Variants in TRIM29 observed in about 807,000 individuals in gnomAD.
The protein encoded by TRIM29 is tripartite motif containing 29, also known as tripartite motif-containing protein 29.
Under a neutral mutation model 57.3 loss-of-function variants are expected in TRIM29, and 52 were observed. The observed-to-expected ratio is 0.91, with a 90% CI of 0.73 to 1.14. The LOEUF (loss-of-function observed/expected upper bound fraction) is 1.14, where lower values mean the gene tolerates loss of function less well. Among genes scored for constraint, TRIM29 ranks in the 50% most tolerant of loss-of-function variants. TRIM29 has a pLI of 0.00. For synonymous variants in TRIM29, 319 were observed against 316.9 expected (o/e 1.01, Z -0.07); for missense variants, 753 against 774.6 (o/e 0.97, Z 0.33).
chr11:120,125,961 C>A, intron 3 of TRIM29, 72 bp from the exon 4 acceptor site: 1 of 1,489,692 alleles, frequency 6.7e-7, no homozygotes. Context: ...CTGCCAGGGG[C>A]TCTCACAGTG....
intron 4 of TRIM29, chr11:120,123,686 C>T (rs1024150380): frequency 2.9e-5 from 10 of 348,160 alleles, no homozygotes; most frequent in African/African-American, 1.9e-4. Context: ...GCCACCTCCA[C>T]CCCATTCCTT....
Position 120,137,292 on chromosome 11 carries a change from C to A in TRIM29, c.740G>T (p.Cys247Phe). 6.2e-7 allele frequency: 1 copy of A among 1,614,142 alleles called. No homozygotes were observed. Among genetic ancestry groups the A allele is most frequent in the Non-Finnish European group, 8.5e-7 (1 of 1,180,022 alleles). Residue 247 changes from cysteine (C) to phenylalanine (F), a missense_variant, in exon 1 of 9, where the codon TGC (cysteine) becomes TTC (phenylalanine). Coordinates refer to ENST00000341846, the MANE Select transcript of TRIM29 (RefSeq NM_012101.4). This position sits in a 1 kb window ranked among gnomAD's most constrained non-coding sequence, Gnocchi z 6.2. Reference sequence around the variant, plus strand: ...ATGATTCTTGTGCTCCTGGAACATGCAAAGGTAGCAGATGCAGGTCTGGTC... The same window carrying A: ...ATGATTCTTGTGCTCCTGGAACATGAAAAGGTAGCAGATGCAGGTCTGGTC... ...QTDQTCICYL[C>F]MFQEHKNHST...
intron 8 of TRIM29, among the ~76,000 whole-genome samples, chr11:120,114,262 G>A (rs942833696): frequency 1.3e-5 from 2 of 152,182 alleles, no homozygotes; most frequent in African/African-American, 4.8e-5. Flanking sequence ...GTAGGGAGGG[G>A]AAGGACTGAG....
chr11:120,128,256 T>C (rs1002068749), intron 2 of TRIM29, 144 bp downstream of exon 2: 5 of 662,586 alleles, frequency 7.5e-6, no homozygotes, highest in African/African-American at 5.4e-5. Flanking sequence ...TTGGTGAGAA[T>C]GTCAGAGGAG....
intron 1 of TRIM29, among the ~76,000 whole-genome samples, chr11:120,135,151 G>A (rs1000206997): frequency 1.3e-5 from 2 of 152,152 alleles, no homozygotes; most frequent in Admixed American, 1.3e-4. Context: ...CATCTTCCAG[G>A]GGTGCCCAGG....
intron 7 of TRIM29, 61 bp from the exon 8 acceptor site, chr11:120,115,475 C>CA: frequency 7.0e-7 from 1 of 1,428,096 alleles, no homozygotes; most frequent in Non-Finnish European, 9.6e-7. Context: ...GTGCCCGGGC[C>CA]CAGAGCAGCA....
intron 3 of TRIM29, chr11:120,126,475 C>T (rs1863592606): frequency 6.5e-6 from 1 of 152,886 alleles, no homozygotes; most frequent in African/African-American, 2.4e-5. Context: ...AACTCCTGAT[C>T]TCAGGTGATC....
intron 8 of TRIM29, 60 bp from the exon 9 acceptor site, chr11:120,112,536 C>G: frequency 6.3e-7 from 1 of 1,577,158 alleles, no homozygotes; most frequent in Non-Finnish European, 8.7e-7. Context: ...GCTAGCTAGA[C>G]CCACCCTACC....
chr11:120,125,715 T>C lies in TRIM29; in HGVS notation c.1309A>G (p.Ile437Val), dbSNP rs1488556648. 6.2e-7 allele frequency: 1 copy of C among 1,614,166 alleles called. No homozygotes were observed. The highest frequency in any genetic ancestry group is 2.2e-5 in the East Asian group (1 of 44,884). Residue 437 changes from isoleucine to valine, a missense_variant, in exon 4 of 9, where the codon ATT (isoleucine) becomes GTT (valine). Ile to Val is a conservative substitution (Grantham distance 29). Coordinates refer to ENST00000341846, the MANE Select transcript of TRIM29 (RefSeq NM_012101.4). ...MCKADLSRNF[I>V]ERNHMENGGD... ...CCGTTCTCCATGTGGTTCCTCTCAA[T>C]GAAGTTACGGCTCAGGTCCGCCTTG...
Position 120,120,679 on chromosome 11 carries a change from G to A in TRIM29, c.1436-14C>T. 1.2e-6 allele frequency: 2 copies of A among 1,612,876 alleles called. No individual in the cohort carries two copies. Among genetic ancestry groups the A allele is most frequent in the Non-Finnish European group, 1.7e-6 (2 of 1,179,478 alleles). Reference sequence around the variant, plus strand: ...TCCGGACCCCACCTGTGAAGCAGATGAAGGGGGCTGTCATTGCAGAAAATT... The same window carrying A: ...TCCGGACCCCACCTGTGAAGCAGATAAAGGGGGCTGTCATTGCAGAAAATT... On this transcript the variant is annotated splice_polypyrimidine_tract_variant and intron_variant, in intron 5 of 8. Transcript: ENST00000341846.
chr11:120,128,530 G>A (rs1215221800), intron 1 of TRIM29, 35 bp from the exon 2 acceptor site: 1 of 1,594,654 alleles, frequency 6.3e-7, no homozygotes, highest in Non-Finnish European at 8.5e-7. Context: ...AGAAGTCAGG[G>A]GGAGGAGATG....
At chr11:120,131,033 G>A (rs1241294350) in intron 1 of TRIM29, among the ~76,000 whole-genome samples, 1 of 152,178 alleles carries the variant, frequency 6.6e-6, no homozygotes, top group Non-Finnish European at 1.5e-5. Context: ...GATAATTGAA[G>A]ATTGGAGGAC....
At chr11:120,112,968 T>C (rs551423429) in intron 8 of TRIM29, among the ~76,000 whole-genome samples, 40 of 152,242 alleles carry the variant, frequency 2.6e-4, no homozygotes, top group Non-Finnish European at 5.3e-4. Flanking sequence ...TTGCCCAAGG[T>C]CACTCAGCTG....
intron 1 of TRIM29, among the ~76,000 whole-genome samples, chr11:120,133,078 C>A (rs1863750264): frequency 6.6e-6 from 1 of 152,154 alleles, no homozygotes; most frequent in African/African-American, 2.4e-5. Context: ...CCTTGGTTTC[C>A]TTGTGGTGAA....
rs199945245 is a variant in TRIM29, at chr11:120,115,294, G to A, written c.1704+44C>T. On this transcript the variant is annotated intron_variant, in intron 8 of 8. Coordinates refer to ENST00000341846, the MANE Select transcript of TRIM29 (RefSeq NM_012101.4). ...TCCAGGGAGCCCCCTTCAGTGCCCA[G>A]GTCTCTGGATGTGCCCAGGCCCTCC... 5 of 1,593,436 alleles carry A rather than the reference G, an allele frequency of 3.1e-6. No homozygotes were observed. In the African/African-American group the frequency reaches 6.7e-5, roughly 21 times the overall value.
chr11:120,131,480 T>C (rs1290292433), intron 1 of TRIM29, among the ~76,000 whole-genome samples: 1 of 152,002 alleles, frequency 6.6e-6, no homozygotes, highest in Non-Finnish European at 1.5e-5. Context: ...GGGGAGACTG[T>C]CTGCAGCTGT....
chr11:120,116,839 C>G (rs532620061), intron 7 of TRIM29: 37 of 243,658 alleles, frequency 1.5e-4, no homozygotes, highest in Non-Finnish European at 2.9e-4. Context: ...GCATGCATCC[C>G]TCTCCAGGGA....
At chr11:120,128,241 G>A (rs1353521129) in intron 2 of TRIM29, among the ~76,000 whole-genome samples, 159 bp downstream of exon 2, 3 of 152,168 alleles carry the variant, frequency 2.0e-5, no homozygotes, top group African/African-American at 7.2e-5. Context: ...GACTGAGAAG[G>A]GGAGTTGGTG....
At chr11:120,122,750 C>T (rs927261052) in intron 5 of TRIM29, among the ~76,000 whole-genome samples, 1 of 152,150 alleles carries the variant, frequency 6.6e-6, no homozygotes, top group African/African-American at 2.4e-5. Context: ...ACTTCTCATT[C>T]GAACCAGGAC....
Sources: allele counts gnomAD v4.1 joint callset (sites outside exome capture counted in the v4.1 genomes callset), GRCh38; gene constraint gnomAD v4.1.1; non-coding constraint Gnocchi (gnomAD v3.1); transcripts MANE v1.5; gene names NCBI Gene and HGNC (gene_info 2026-07-23, HGNC 2026-07-21).